MLANA: variants seen among roughly 807,000 people sequenced by gnomAD.
MLANA encodes melanoma antigen recognized by T-cells 1.
In MLANA, 21 loss-of-function variants were observed where a neutral mutation model predicts 15.7. The ratio of observed to expected loss-of-function variants is 1.33; its 90% CI spans 0.95 to 1.92. The LOEUF (loss-of-function observed/expected upper bound fraction) is 1.92, where lower values mean the gene tolerates loss of function less well. Among genes scored for constraint, MLANA ranks in the 40% most tolerant of loss-of-function variants. The probability of loss-of-function intolerance (pLI) is 0.00; values close to 1 mark genes in which losing one functional copy is unlikely to be tolerated. For missense variants in MLANA, 164 were observed against 143.8 expected (o/e 1.14, Z -0.72); for synonymous variants, 56 against 51.5 (o/e 1.09, Z -0.37).
At chr9:5,902,861 A>G (rs1449459669) in intron 3 of MLANA, among the ~76,000 whole-genome samples, 1 of 151,922 alleles carries the variant, frequency 6.6e-6, no homozygotes, top group Non-Finnish European at 1.5e-5. Flanking sequence ...TTTTCCGCTT[A>G]CTTTGGATTT....
At position 5,907,008 on chromosome 9, in the gene MLANA, G is replaced by T; in HGVS notation, c.288+10G>T. ...AAACTGTGAACCTGTGGTAGGTTAAGATCCTTCATAAGGGTATTTTCATGA... is the reference window on the plus strand; with the variant it reads ...AAACTGTGAACCTGTGGTAGGTTAATATCCTTCATAAGGGTATTTTCATGA... On this transcript the variant is annotated intron_variant, in intron 4 of 4. Transcript: ENST00000381477. 6.5e-7 allele frequency: 1 copy of T among 1,543,946 alleles called. No individual in the cohort carries two copies. The highest frequency in any genetic ancestry group is 8.8e-7 in the Non-Finnish European group (1 of 1,140,792).
chr9:5,905,101 G>C (rs1832714917), intron 3 of MLANA, among the ~76,000 whole-genome samples: 1 of 151,938 alleles, frequency 6.6e-6, no homozygotes, highest in Non-Finnish European at 1.5e-5. Context: ...TTTTTTCAGT[G>C]GTTTCCCTAG....
At chr9:5,904,183 A>T (rs1042234794) in intron 3 of MLANA, among the ~76,000 whole-genome samples, 2 of 150,814 alleles carry the variant, frequency 1.3e-5, no homozygotes, top group Non-Finnish European at 3.0e-5. Context: ...TTTAATGTAC[A>T]TGTATGTGTC....
At chr9:5,900,248 G>A (rs1242043206) in intron 3 of MLANA, among the ~76,000 whole-genome samples, 1 of 152,148 alleles carries the variant, frequency 6.6e-6, no homozygotes, top group Admixed American at 6.6e-5. Context: ...TGCTTGGTAA[G>A]TTTCAAATTC....
chr9:5,899,291 T>C (rs1458483143), intron 3 of MLANA: 2 of 152,166 alleles, frequency 1.3e-5, no homozygotes, highest in African/African-American at 2.4e-5. Flanking sequence ...GGGGTGGGGA[T>C]TGAAGCTTGG....
rs1350020606 is a variant in MLANA at position 5,910,004 on chromosome 9, A to G, written c.*1296A>G. ...CCAGTATCATTTTCCATAGTAGAGG[A>G]TAACTATAACAACGAAGATAATGAA... On this transcript the variant is annotated 3_prime_UTR_variant, in exon 5 of 5. Coordinates refer to ENST00000381477, the MANE Select transcript of MLANA (RefSeq NM_005511.2). 6.6e-6 allele frequency: 1 copy of G among 152,224 alleles called. No individual in the cohort carries two copies. The highest frequency in any genetic ancestry group is 1.5e-5 in the Non-Finnish European group (1 of 68,036). The allele number at this position is 152,224 out of a possible 1,614,324, so 9.4% of individuals were successfully genotyped here. A position where few individuals can be genotyped will look rare whatever the true frequency, so the allele number is the denominator to read the frequency against.
At chr9:5,901,280 G>T (rs1455917459) in intron 3 of MLANA, among the ~76,000 whole-genome samples, 1 of 152,174 alleles carries the variant, frequency 6.6e-6, no homozygotes, top group Non-Finnish European at 1.5e-5. Flanking sequence ...TGGTGAGACA[G>T]GACATCCTTG....
intron 3 of MLANA, chr9:5,898,829 G>A (rs16923640): frequency 0.3 from 45,083 of 152,014 alleles, 6,953 homozygotes; most frequent in East Asian, 0.46. Flanking sequence ...TCATCAGTGC[G>A]ATGAGGAAAC....
chr9:5,902,767 A>G (rs1268789725), intron 3 of MLANA, among the ~76,000 whole-genome samples: 1 of 151,758 alleles, frequency 6.6e-6, no homozygotes, highest in Non-Finnish European at 1.5e-5. Flanking sequence ...TTGCCCTCCC[A>G]AAGTACTGGC....
intron 3 of MLANA, among the ~76,000 whole-genome samples, chr9:5,905,966 T>C (rs1213560072): frequency 6.6e-6 from 1 of 152,214 alleles, no homozygotes; most frequent in Non-Finnish European, 1.5e-5. Flanking sequence ...ATTGCTGTTA[T>C]TAATTTCAAG....
chr9:5,907,488 ACATAT>A (rs1832890385), intron 4 of MLANA, among the ~76,000 whole-genome samples: 1 of 152,240 alleles, frequency 6.6e-6, no homozygotes, highest in Non-Finnish European at 1.5e-5. Context: ...GTATTATAAT[ACATAT>A]CATATTTCAA....
intron 3 of MLANA, among the ~76,000 whole-genome samples, chr9:5,897,894 A>G (rs895926204): frequency 6.6e-6 from 1 of 152,204 alleles, no homozygotes; most frequent in Non-Finnish European, 1.5e-5. Flanking sequence ...ATAATACGAG[A>G]GACTGTAATT....
At chr9:5,893,799 G>A (rs1345883065) in intron 2 of MLANA, among the ~76,000 whole-genome samples, 6 of 152,106 alleles carry the variant, frequency 3.9e-5, no homozygotes, top group Non-Finnish European at 5.9e-5. Flanking sequence ...GGCTGAAGAT[G>A]TTGTGCCATC....
At chr9:5,899,971 CA>C (rs1832311029) in intron 3 of MLANA, among the ~76,000 whole-genome samples, 2 of 152,138 alleles carry the variant, frequency 1.3e-5, no homozygotes, top group Admixed American at 1.3e-4. Flanking sequence ...AATGTATATC[CA>C]TTTTTATTTA....
At chr9:5,896,115 T>G (rs1831996106) in intron 2 of MLANA, among the ~76,000 whole-genome samples, 1 of 152,222 alleles carries the variant, frequency 6.6e-6, no homozygotes, top group African/African-American at 2.4e-5. Context: ...ACTTGCTTGG[T>G]CTCCCGTTCC....
chr9:5,908,314 C>T (rs1227719713), intron 4 of MLANA, among the ~76,000 whole-genome samples: 1 of 152,154 alleles, frequency 6.6e-6, no homozygotes, highest in Non-Finnish European at 1.5e-5. Flanking sequence ...GGTAAAGATG[C>T]AATGTATATG....
At chr9:5,890,968 G>C (rs1160555984) in intron 1 of MLANA, 32 bp downstream of exon 1, 3 of 152,158 alleles carry the variant, frequency 2.0e-5, no homozygotes, top group African/African-American at 7.2e-5. Flanking sequence ...CATAATCATA[G>C]TCCTCTTCTC....
chr9:5,891,694 A>AC (rs764438341), intron 1 of MLANA, among the ~76,000 whole-genome samples: 2 of 152,104 alleles, frequency 1.3e-5, no homozygotes, highest in Non-Finnish European at 2.9e-5. Flanking sequence ...TTTGTTGTTC[A>AC]TTTGTATGTG....
chr9:5,900,315 T>C (rs984623575), intron 3 of MLANA, among the ~76,000 whole-genome samples: 1 of 152,184 alleles, frequency 6.6e-6, no homozygotes, highest in African/African-American at 2.4e-5. Context: ...TTTCTGAGAC[T>C]TTTTATTGAG....
Sources: allele counts gnomAD v4.1 joint callset (sites outside exome capture counted in the v4.1 genomes callset), GRCh38; gene constraint gnomAD v4.1.1; transcripts MANE v1.5; gene names NCBI Gene and HGNC (gene_info 2026-07-23, HGNC 2026-07-21).